The following KIFAP3 variants were observed in gnomAD, a reference collection of about 807,000 sequenced individuals.
KIFAP3 encodes the protein kinesin associated protein 3.
A neutral mutation model predicts 106.5 loss-of-function variants in KIFAP3; 68 were observed. The ratio of observed to expected loss-of-function variants is 0.64; its 90% confidence interval spans 0.53 to 0.78. KIFAP3 has a LOEUF of 0.78. Ranked by LOEUF, KIFAP3 falls within the 30% of genes least tolerant of loss-of-function variation. The pLI is 0.00. For synonymous variants in KIFAP3, 320 were observed against 311.5 expected (o/e 1.03, Z -0.29); for missense variants, 780 against 941.8 (o/e 0.83, Z 2.25).
intron 2 of KIFAP3, among the ~76,000 whole-genome samples, chr1:170,050,362 A>G (rs1231957287): frequency 6.6e-6 from 1 of 152,194 alleles, no homozygotes; most frequent in Non-Finnish European, 1.5e-5. Flanking sequence ...CAAACCTATG[A>G]TTGACTGGTG....
chr1:170,054,223 C>T (rs1018747420), intron 2 of KIFAP3, among the ~76,000 whole-genome samples: 21 of 152,148 alleles, frequency 1.4e-4, no homozygotes, highest in African/African-American at 4.3e-4. Context: ...GACATTTATG[C>T]GGCCAAGAAA....
chr1:169,983,126 G>A (rs1666614667), intron 13 of KIFAP3, 144 bp downstream of exon 13: 2 of 616,726 alleles, frequency 3.2e-6, no homozygotes, highest in East Asian at 5.9e-5. Flanking sequence ...GAGATTTCTA[G>A]GTGCTAAACT....
intron 1 of KIFAP3, among the ~76,000 whole-genome samples, chr1:170,063,672 C>A (rs1671294906): frequency 6.6e-6 from 1 of 152,068 alleles, no homozygotes; most frequent in South Asian, 2.1e-4. Context: ...CCATGTGTGT[C>A]TATTTCTAGG....
At position 170,055,289 on chromosome 1, in the gene KIFAP3, C is replaced by A. The variant is rs1278993390; in HGVS notation, c.164+16G>T. The A allele has an allele frequency of 6.3e-7, 1 of 1,589,802 alleles. No individual in the cohort carries two copies. The highest frequency in any genetic ancestry group is 1.4e-5 in the African/African-American group (1 of 73,568). On this transcript the variant is annotated intron_variant, in intron 2 of 19. Coordinates refer to ENST00000361580, the MANE Select transcript of KIFAP3 (RefSeq NM_014970.4). ...ATGTTCACTACTTTCAAAATGTGCA[C>A]AAATAAAGAACTTACATTTTTTGAC... is the stretch of plus-strand genomic sequence containing the variant.
chr1:170,028,356 T>C (rs917944837), intron 8 of KIFAP3, among the ~76,000 whole-genome samples: 2 of 152,126 alleles, frequency 1.3e-5, no homozygotes, highest in Non-Finnish European at 2.9e-5. Context: ...CTTTTTTTTC[T>C]GAGACGGAGT....
At chr1:169,966,987 C>G (rs142126896) in intron 17 of KIFAP3, among the ~76,000 whole-genome samples, 108 of 151,274 alleles carry the variant, frequency 7.1e-4, no homozygotes, top group African/African-American at 2.4e-3. Context: ...TAATGCTGAC[C>G]ATTTATGTTT....
intron 19 of KIFAP3, among the ~76,000 whole-genome samples, chr1:169,928,466 T>C (rs1008653291): frequency 6.6e-6 from 1 of 151,846 alleles, no homozygotes. Flanking sequence ...TCCCAGCACT[T>C]TGGGAGGCTG....
chr1:170,076,052 A>G (rs754163850), upstream of KIFAP3, among the ~76,000 whole-genome samples: 5 of 152,236 alleles, frequency 3.3e-5, no homozygotes, highest in African/African-American at 4.8e-5. Flanking sequence ...AGACCAAAAT[A>G]TACATTAAAA....
intron 17 of KIFAP3, among the ~76,000 whole-genome samples, chr1:169,962,433 T>G (rs1478128904): frequency 6.6e-6 from 1 of 152,160 alleles, no homozygotes; most frequent in Non-Finnish European, 1.5e-5. Flanking sequence ...ACAGCAGAAA[T>G]GATAGCATGG....
chr1:169,972,996 C>T (rs1265026992), intron 16 of KIFAP3, among the ~76,000 whole-genome samples: 2 of 150,026 alleles, frequency 1.3e-5, no homozygotes, highest in Admixed American at 6.7e-5. Context: ...ACAAAACTAA[C>T]AAGAGAGATT....
chr1:170,008,025 T>A (rs1344050800), intron 10 of KIFAP3, among the ~76,000 whole-genome samples: 1 of 152,142 alleles, frequency 6.6e-6, no homozygotes, highest in Non-Finnish European at 1.5e-5. Flanking sequence ...GGGAAAGGAT[T>A]CCCTATTTAA....
intron 15 of KIFAP3, among the ~76,000 whole-genome samples, chr1:169,979,825 T>C (rs778182087): frequency 9.2e-5 from 14 of 152,070 alleles, no homozygotes; most frequent in Non-Finnish European, 1.8e-4. Context: ...TTTCAAAATA[T>C]TCATAGGAGC....
chr1:170,065,613 CAAAAAA>C (rs71125225), intron 1 of KIFAP3, among the ~76,000 whole-genome samples: 1 of 49,900 alleles, frequency 2.0e-5, no homozygotes, highest in Non-Finnish European at 3.8e-5. Context: ...GACTCCACCT[CAAAAAA>C]AAAAAAAAAA....
chr1:170,038,112 T>C (rs1278719281), intron 5 of KIFAP3, among the ~76,000 whole-genome samples, 178 bp downstream of exon 5: 1 of 152,238 alleles, frequency 6.6e-6, no homozygotes, highest in African/African-American at 2.4e-5. Context: ...TTAATTTTCC[T>C]TGTTTACATT....
chr1:169,994,687 T>C (rs1295165075), intron 10 of KIFAP3, among the ~76,000 whole-genome samples: 1 of 151,992 alleles, frequency 6.6e-6, no homozygotes, highest in Non-Finnish European at 1.5e-5. Flanking sequence ...ATTTTATTTA[T>C]ATGAAATAAT....
chr1:170,040,827 T>C (rs1002681279), intron 3 of KIFAP3, among the ~76,000 whole-genome samples: 2 of 151,380 alleles, frequency 1.3e-5, no homozygotes, highest in Non-Finnish European at 3.0e-5. Flanking sequence ...AAATGTCTAT[T>C]TTTGCTTTTT....
intron 10 of KIFAP3, among the ~76,000 whole-genome samples, chr1:169,992,657 T>C (rs1211698338): frequency 1.3e-5 from 2 of 151,978 alleles, no homozygotes; most frequent in Non-Finnish European, 2.9e-5. Context: ...TTTCTACAAA[T>C]CAGAAACTGA....
At chr1:170,068,791 T>A (rs1322855276) in intron 1 of KIFAP3, 2 of 151,138 alleles carry the variant, frequency 1.3e-5, no homozygotes. Context: ...TTTAAAAAAA[T>A]AAATAAAAGA....
chr1:170,069,697 C>G (rs373238680), intron 1 of KIFAP3, among the ~76,000 whole-genome samples: 2 of 152,140 alleles, frequency 1.3e-5, no homozygotes, highest in African/African-American at 4.8e-5. Flanking sequence ...GAAAAATCTA[C>G]AGCCAATATC....
Sources: gnomAD v4.1 joint callset for allele counts (sites outside exome capture counted in the v4.1 genomes callset) on GRCh38, gnomAD v4.1.1 for gene constraint, MANE v1.5 for transcripts, NCBI Gene and HGNC (gene_info 2026-07-23, HGNC 2026-07-21) for gene names.